Variants in LRP1B observed in about 807,000 individuals in gnomAD.
The protein encoded by LRP1B is low-density lipoprotein receptor-related protein 1B.
Under a neutral mutation model 556.6 loss-of-function variants are expected in LRP1B, and 217 were observed. The observed-to-expected ratio is 0.39, with a 90% confidence interval of 0.35 to 0.44. LRP1B has a LOEUF of 0.44. Ranked by LOEUF, LRP1B falls within the 20% of genes least tolerant of loss-of-function variation. The pLI is 1.00. For synonymous variants in LRP1B, 2,047 were observed against 1,865.8 expected, an observed-to-expected ratio of 1.10 and a Z score of -2.50; for missense variants, 5,053 against 5,620.8, an observed-to-expected ratio of 0.90 and a Z score of 3.23.
chr2:140,779,553 G>A (rs973607017), intron 32 of LRP1B, among the ~76,000 whole-genome samples: 36 of 152,152 alleles, frequency 2.4e-4, no homozygotes, highest in African/African-American at 8.4e-4. Context: ...AAATTAGCCA[G>A]GCATGGTGAT....
At chr2:141,967,469 C>A (rs1701595716) in intron 1 of LRP1B, among the ~76,000 whole-genome samples, 1 of 151,828 alleles carries the variant, frequency 6.6e-6, no homozygotes, top group African/African-American at 2.4e-5. Flanking sequence ...CAATTTTTAA[C>A]AGAAAATCTC....
At chr2:140,682,721 AAG>A (rs1685905459) in intron 41 of LRP1B, among the ~76,000 whole-genome samples, 1 of 147,264 alleles carries the variant, frequency 6.8e-6, no homozygotes, top group Non-Finnish European at 1.5e-5. Context: ...AGGTGAAAGA[AAG>A]AGCTAAACTG....
chr2:141,974,944 C>T (rs1004580816), intron 1 of LRP1B, among the ~76,000 whole-genome samples: 3 of 152,026 alleles, frequency 2.0e-5, no homozygotes, highest in African/African-American at 4.8e-5. Flanking sequence ...TATACATGCC[C>T]ACTAGTGAAA....
intron 6 of LRP1B, among the ~76,000 whole-genome samples, chr2:141,209,524 A>G (rs1163888040): frequency 2.0e-5 from 3 of 152,200 alleles, no homozygotes; most frequent in South Asian, 2.1e-4. Flanking sequence ...CCAAGAGCTT[A>G]ACAATGTTTA....
intron 3 of LRP1B, among the ~76,000 whole-genome samples, chr2:141,303,058 T>C (rs934632353): frequency 3.9e-5 from 6 of 152,084 alleles, no homozygotes; most frequent in Admixed American, 3.9e-4. Flanking sequence ...TTTAACATGT[T>C]CCATATTCAA....
rs577769027 is a variant in LRP1B, at chr2:141,441,579, A to G, written c.343+38817T>C. 2.0e-5 allele frequency among the ~76,000 whole-genome samples: 3 copies of G among 152,288 alleles called. No homozygotes were observed. In the South Asian group the frequency reaches 6.2e-4, roughly 32 times the overall value. ...ATGGTTTGTGTGTTTTCTTTTTTAA[A>G]AAGCTCACATCAGGAATTTCTGTTT... On this transcript the variant is annotated intron_variant, in intron 3 of 90. Coordinates refer to ENST00000389484, the MANE Select transcript of LRP1B (RefSeq NM_018557.3).
rs551885028 is a variant in LRP1B, at chr2:141,298,662, A to G, written c.344-44021T>C. ...AATCTGTAGCCTTTCTCTGTAATAAACTGTAAGTGAGGCCAGGCGTGGTGG... is the reference window on the plus strand; with the variant it reads ...AATCTGTAGCCTTTCTCTGTAATAAGCTGTAAGTGAGGCCAGGCGTGGTGG... On this transcript the variant is annotated intron_variant, in intron 3 of 90. Transcript: ENST00000389484. 3.3e-5 allele frequency among the ~76,000 whole-genome samples: 5 copies of G among 152,056 alleles called. No homozygotes were observed. The South Asian group carries it at 8.3e-4, about 25-fold the overall frequency.
chr2:140,445,417 C>T (rs906905734), intron 63 of LRP1B, among the ~76,000 whole-genome samples: 5 of 151,996 alleles, frequency 3.3e-5, no homozygotes, highest in African/African-American at 9.7e-5. Flanking sequence ...ACCTGGCCCA[C>T]GATACATATT....
intron 32 of LRP1B, among the ~76,000 whole-genome samples, chr2:140,803,143 T>TC (rs1347592523): frequency 1.3e-5 from 2 of 152,088 alleles, no homozygotes; most frequent in Non-Finnish European, 2.9e-5. Flanking sequence ...CAATCTGTTT[T>TC]CCCCTTTCAT....
At chr2:141,759,463 C>T (rs1057078980) in intron 2 of LRP1B, among the ~76,000 whole-genome samples, 1 of 152,024 alleles carries the variant, frequency 6.6e-6, no homozygotes, top group Non-Finnish European at 1.5e-5. Context: ...ATAGGGAATG[C>T]AACTTGTGGA....
chr2:141,169,539 C>G (rs1202370282), intron 7 of LRP1B, among the ~76,000 whole-genome samples: 1 of 151,594 alleles, frequency 6.6e-6, no homozygotes, highest in Admixed American at 6.6e-5. Flanking sequence ...GGATCCTGCA[C>G]TGCACGATAC....
At chr2:140,288,388 G>C (rs1403941286) in intron 84 of LRP1B, among the ~76,000 whole-genome samples, 1 of 151,636 alleles carries the variant, frequency 6.6e-6, no homozygotes, top group Non-Finnish European at 1.5e-5. Flanking sequence ...TCTCTTTAAA[G>C]CATTTAAAGA....
intron 1 of LRP1B, among the ~76,000 whole-genome samples, chr2:142,049,645 C>T (rs1019441466): frequency 2.0e-5 from 3 of 151,982 alleles, no homozygotes; most frequent in African/African-American, 4.8e-5. Context: ...CATGACTGCC[C>T]AATTGTCTTT....
chr2:140,662,389 AAC>A (rs1319442340), intron 41 of LRP1B, among the ~76,000 whole-genome samples: 1 of 152,148 alleles, frequency 6.6e-6, no homozygotes, highest in African/African-American at 2.4e-5. Flanking sequence ...AGCTGGTATT[AAC>A]ACAGTCTTCC....
intron 8 of LRP1B, among the ~76,000 whole-genome samples, chr2:141,061,075 T>C (rs1045761485): frequency 2.6e-5 from 4 of 151,738 alleles, no homozygotes; most frequent in Admixed American, 1.3e-4. Context: ...AGAGATCAGG[T>C]CCTCTAAGGT....
intron 66 of LRP1B, among the ~76,000 whole-genome samples, chr2:140,410,259 C>T (rs933873198): frequency 6.6e-6 from 1 of 151,970 alleles, no homozygotes; most frequent in Non-Finnish European, 1.5e-5. Flanking sequence ...ACTTGACTTA[C>T]AGTTCAACTA....
At chr2:141,198,014 A>G (rs111519733) in intron 6 of LRP1B, among the ~76,000 whole-genome samples, 7 of 152,238 alleles carry the variant, frequency 4.6e-5, no homozygotes, top group African/African-American at 1.7e-4. Context: ...ATGTTAAAGG[A>G]AAAGGTAAGA....
chr2:141,553,358 A>G (rs1460186236), intron 2 of LRP1B, among the ~76,000 whole-genome samples: 1 of 151,916 alleles, frequency 6.6e-6, no homozygotes, highest in Non-Finnish European at 1.5e-5. Flanking sequence ...TCAGTATCAA[A>G]GGCAAGAGGT....
intron 66 of LRP1B, among the ~76,000 whole-genome samples, chr2:140,406,315 T>A (rs1285611973): frequency 6.6e-6 from 1 of 152,046 alleles, no homozygotes; most frequent in Non-Finnish European, 1.5e-5. Context: ...CCACTTCTAT[T>A]TGATATACTA....
Sources: gnomAD v4.1 joint callset for allele counts (sites outside exome capture counted in the v4.1 genomes callset) on GRCh38, gnomAD v4.1.1 for gene constraint, MANE v1.5 for transcripts, NCBI Gene and HGNC (gene_info 2026-07-23, HGNC 2026-07-21) for gene names.